FAM13C: variants seen among roughly 807,000 people sequenced by gnomAD.
The protein encoded by FAM13C is family with sequence similarity 13 member C.
A neutral mutation model predicts 73.2 loss-of-function variants in FAM13C; 37 were observed. That is an observed-to-expected ratio of 0.51 (90% CI 0.39 to 0.67). The LOEUF (loss-of-function observed/expected upper bound fraction) is 0.67. FAM13C is among the 30% of genes least tolerant of loss of function. The probability of loss-of-function intolerance (pLI) is 0.00; values close to 1 mark genes in which losing one functional copy is unlikely to be tolerated. For missense variants in FAM13C, 589 were observed against 715.6 expected (o/e 0.82, Z 2.02); for synonymous variants, 246 against 260.9 (o/e 0.94, Z 0.55).
chr10:59,267,452 C>T (rs1843188862), intron 8 of FAM13C, among the ~76,000 whole-genome samples: 1 of 152,142 alleles, frequency 6.6e-6, no homozygotes, highest in African/African-American at 2.4e-5. Flanking sequence ...GTTGAGCTCC[C>T]TTCTGCTCTG....
intron 5 of FAM13C, chr10:59,300,562 T>C (rs1847478714): frequency 6.6e-6 from 1 of 152,130 alleles, no homozygotes; most frequent in African/African-American, 2.4e-5. Context: ...AAGTCAGCTG[T>C]ACAAAGAGGC....
At chr10:59,309,603 T>C (rs1319647613) in intron 4 of FAM13C, among the ~76,000 whole-genome samples, 1 of 152,230 alleles carries the variant, frequency 6.6e-6, no homozygotes, top group African/African-American at 2.4e-5. Flanking sequence ...AAGTAACTCA[T>C]TCATACTTTA....
At chr10:59,276,615 A>G (rs1235989483) in intron 6 of FAM13C, among the ~76,000 whole-genome samples, 1 of 152,228 alleles carries the variant, frequency 6.6e-6, no homozygotes, top group Admixed American at 6.5e-5. Context: ...TGAGCTAGGC[A>G]GAACCTTTTG....
At chr10:59,314,640 G>A (rs1454759967) in intron 4 of FAM13C, among the ~76,000 whole-genome samples, 1 of 152,160 alleles carries the variant, frequency 6.6e-6, no homozygotes, top group Non-Finnish European at 1.5e-5. Context: ...GACTTCAACA[G>A]CTGTCTTATT....
At chr10:59,333,682 C>T (rs1399110049) in intron 3 of FAM13C, among the ~76,000 whole-genome samples, 1 of 151,826 alleles carries the variant, frequency 6.6e-6, no homozygotes, top group Non-Finnish European at 1.5e-5. Flanking sequence ...TTCAAATATC[C>T]CTCAGTGTTT....
At chr10:59,298,402 C>A (rs1372028122) in intron 5 of FAM13C, among the ~76,000 whole-genome samples, 1 of 152,148 alleles carries the variant, frequency 6.6e-6, no homozygotes, top group African/African-American at 2.4e-5. Flanking sequence ...TGCAGAATAC[C>A]TTCAAAGTAT....
At chr10:59,254,842 T>G (rs1841796009) in intron 10 of FAM13C, among the ~76,000 whole-genome samples, 1 of 152,030 alleles carries the variant, frequency 6.6e-6, no homozygotes, top group South Asian at 2.1e-4. Flanking sequence ...TGACCTCAAG[T>G]GATCAGCCTG....
intron 6 of FAM13C, among the ~76,000 whole-genome samples, chr10:59,273,966 C>A (rs887332430): frequency 2.0e-5 from 3 of 148,018 alleles, no homozygotes; most frequent in Non-Finnish European, 4.5e-5. Context: ...TGTGTAGATT[C>A]GTAAAATTGC....
intron 11 of FAM13C, 64 bp downstream of exon 11, chr10:59,254,284 C>T: frequency 9.2e-7 from 1 of 1,086,126 alleles, no homozygotes; most frequent in Non-Finnish European, 1.3e-6. Context: ...TCTTGTACTA[C>T]TATGTGACAT....
Position 59,269,988 on chromosome 10 carries a change from C to T in FAM13C, c.714G>A (p.Ser238=), listed in dbSNP as rs149406709. 78 of 1,613,840 alleles carry T rather than the reference C, an allele frequency of 4.8e-5. No individual in the cohort carries two copies. Among genetic ancestry groups the T allele is most frequent in the East Asian group, 3.6e-4 (16 of 44,874 alleles). The part of the protein sequence containing the change: ...HITDGDNPLL[S]PRCSIFSQSQ... ...TTTGGCTGAAGATGGAGCATCGTGG[C>T]GACAGCAGTGGGTTATCACCATCAG... The change falls in exon 7 of 14, where the codon TCG becomes TCA. Residue 238 remains serine, a synonymous_variant. Transcript: ENST00000618804.
chr10:59,298,504 A>G (rs539269762), intron 5 of FAM13C, among the ~76,000 whole-genome samples: 2 of 152,272 alleles, frequency 1.3e-5, no homozygotes, highest in East Asian at 1.9e-4. Flanking sequence ...ATGATGACAT[A>G]AGAGTTGGGT....
chr10:59,267,589 A>C (rs1399716547), intron 8 of FAM13C, among the ~76,000 whole-genome samples: 1 of 152,150 alleles, frequency 6.6e-6, no homozygotes, highest in Non-Finnish European at 1.5e-5. Flanking sequence ...TCTGCTCCTT[A>C]AAACTCCTCC....
Position 59,262,544 on chromosome 10 carries a change from G to A in FAM13C, c.1126C>T (p.Pro376Ser). Reference protein sequence around the residue: ...QPTVPRENGKPEAAGPEPSSS... With the variant: ...QPTVPRENGKSEAAGPEPSSS... ...CTTGGCTCCGGGCCCGCAGCTTCCG[G>A]TTTCCCATTTTCTCTGGGGACTGTG... The change falls in exon 10 of 14, where the codon CCG (proline) becomes TCG (serine). Residue 376 changes from proline to serine, a missense_variant. Transcript: ENST00000618804. 4 of 1,613,756 alleles carry A rather than the reference G, an allele frequency of 2.5e-6. No individual in the cohort carries two copies. The highest frequency in any genetic ancestry group is 1.7e-4 in the Middle Eastern group (1 of 6,058).
At chr10:59,283,858 A>G (rs1019200202) in intron 5 of FAM13C, among the ~76,000 whole-genome samples, 3 of 152,170 alleles carry the variant, frequency 2.0e-5, no homozygotes, top group Non-Finnish European at 2.9e-5. Context: ...TTGTGCTGAC[A>G]TCAGGAAGCA....
At chr10:59,351,977 T>C (rs769444691) in intron 3 of FAM13C, among the ~76,000 whole-genome samples, 3 of 152,024 alleles carry the variant, frequency 2.0e-5, no homozygotes, top group Non-Finnish European at 4.4e-5. Flanking sequence ...GCCTGGGGGA[T>C]AGAACGAAAC....
rs1207329114 is a variant in FAM13C at position 59,247,608 on chromosome 10, T to C, written c.*6A>G. ...GGGTGAAAGTGATCATAACATTTCC[T>C]GAACCTCAAATAGTTTTGGCCACAT... On this transcript the variant is annotated 3_prime_UTR_variant, in exon 14 of 14. Transcript: ENST00000618804. 6.2e-7 allele frequency: 1 copy of C among 1,613,274 alleles called. No individual in the cohort carries two copies. Among genetic ancestry groups the C allele is most frequent in the East Asian group, 2.2e-5 (1 of 44,804 alleles).
chr10:59,331,479 A>C (rs1851965093), intron 3 of FAM13C, among the ~76,000 whole-genome samples: 1 of 152,202 alleles, frequency 6.6e-6, no homozygotes, highest in African/African-American at 2.4e-5. Flanking sequence ...GACAGGCAGA[A>C]GCCAGATCAT....
At chr10:59,317,126 ATGTGTG>A (rs5785374) in intron 4 of FAM13C, among the ~76,000 whole-genome samples, 30 of 149,300 alleles carry the variant, frequency 2.0e-4, no homozygotes, top group South Asian at 1.3e-3. Context: ...ACTATACATA[ATGTGTG>A]TGTGTGTGTG....
At position 59,269,954 on chromosome 10, in the gene FAM13C, A is replaced by G; in HGVS notation, c.748T>C (p.Phe250Leu). ...RCSIFSQSQR[F>L]NLDPESAPSP... ...GGGGCTGACTCGGGGTCTAAGTTGA[A>G]TCTCTGGCTTTGGCTGAAGATGGAG... Residue 250 changes from phenylalanine to leucine, a missense_variant, in exon 7 of 14, where the codon TTC becomes CTC. By Grantham distance (22) the Phe-to-Leu change is conservative (BLOSUM62 0). Coordinates refer to ENST00000618804, the MANE Select transcript of FAM13C (RefSeq NM_198215.4). 1.2e-6 allele frequency: 2 copies of G among 1,613,858 alleles called. No homozygotes were observed. The highest frequency in any genetic ancestry group is 1.1e-5 in the South Asian group (1 of 91,066).
Sources: allele counts gnomAD v4.1 joint callset (sites outside exome capture counted in the v4.1 genomes callset), GRCh38; gene constraint gnomAD v4.1.1; transcripts MANE v1.5; gene names NCBI Gene and HGNC (gene_info 2026-07-23, HGNC 2026-07-21).